The following PIBF1 variants were observed in gnomAD, a reference collection of about 807,000 sequenced individuals.
The protein encoded by PIBF1 is progesterone immunomodulatory binding factor 1.
PIBF1 carries 90 observed loss-of-function variants against 112.5 expected under a neutral mutation model. That is an observed-to-expected ratio of 0.80 (90% CI 0.67 to 0.95). The LOEUF (loss-of-function observed/expected upper bound fraction) is 0.95, where lower values mean the gene tolerates loss of function less well. Ranked by LOEUF, PIBF1 falls within the 40% of genes least tolerant of loss-of-function variation. The pLI is 0.00. For missense variants in PIBF1, 915 were observed against 852.3 expected, an observed-to-expected ratio of 1.07 and a Z score of -0.92; for synonymous variants, 301 against 288.6, an observed-to-expected ratio of 1.04 and a Z score of -0.44.
intron 6 of PIBF1, among the ~76,000 whole-genome samples, chr13:72,825,252 A>G (rs891831833): frequency 6.6e-6 from 1 of 152,202 alleles, no homozygotes; most frequent in African/African-American, 2.4e-5. Flanking sequence ...ATGTTAGATA[A>G]TATTATATTA....
chr13:72,904,433 C>CTTTTTTTTTTTTTTTTTTT lies in PIBF1; in HGVS notation c.1489-4091_1489-4073dup, dbSNP rs71099767. The stretch of plus-strand genomic sequence containing the variant: ...ATTTATCCAAAATATCAAAATATTT[C>CTTTTTTTTTTTTTTTTTTT]TTTTTTTTTTTTTTTTTTTTTTTTT... On this transcript the variant is annotated intron_variant, in intron 11 of 17. Transcript: ENST00000326291. Among the ~76,000 whole-genome samples, 122 of 36,552 alleles carry CTTTTTTTTTTTTTTTTTTT rather than the reference C, an allele frequency of 3.3e-3. 26 individuals are homozygous for CTTTTTTTTTTTTTTTTTTT. Among genetic ancestry groups the CTTTTTTTTTTTTTTTTTTT allele is most frequent in the African/African-American group, 4.4e-3 (39 of 8,916 alleles). 24.0% of individuals were successfully genotyped at this position (36,552 alleles called of 152,430 possible). A position where few individuals can be genotyped will look rare whatever the true frequency, so the allele number is the denominator to read the frequency against.
At position 72,894,070 on chromosome 13, in the gene PIBF1, A is replaced by AC; in HGVS notation, c.1488+121_1488+122insC. On this transcript the variant is annotated intron_variant, in intron 11 of 17. Coordinates refer to ENST00000326291, the MANE Select transcript of PIBF1 (RefSeq NM_006346.4). ...CACTATCCTGCACAAAAAAAAAAAA[A>AC]AAAAAAAAACAAGGAAATACGTATT... 6.5e-6 allele frequency: 3 copies of AC among 460,786 alleles called. No individual in the cohort carries two copies. The East Asian group carries it at 1.1e-4, about 16-fold the overall frequency. 28.5% of individuals were successfully genotyped at this position (460,786 alleles called of 1,614,324 possible). A position where few individuals can be genotyped will look rare whatever the true frequency, so the allele number is the denominator to read the frequency against.
At chr13:72,871,590 C>T (rs1187298328) in intron 10 of PIBF1, among the ~76,000 whole-genome samples, 2 of 152,194 alleles carry the variant, frequency 1.3e-5, no homozygotes, top group African/African-American at 4.8e-5. Flanking sequence ...AGACGTGAGC[C>T]TCCGCGACCA....
At chr13:72,908,782 C>A in intron 12 of PIBF1, 101 bp downstream of exon 12, 1 of 1,052,968 alleles carries the variant, frequency 9.5e-7, no homozygotes, top group Non-Finnish European at 1.4e-6. Flanking sequence ...GGCACGGTGG[C>A]TCATGCCTGT....
intron 14 of PIBF1, among the ~76,000 whole-genome samples, chr13:72,939,365 A>G (rs982435536): frequency 6.6e-6 from 1 of 152,158 alleles, no homozygotes; most frequent in Non-Finnish European, 1.5e-5. Context: ...CCTTGTACCC[A>G]TTAAGCACTT....
At chr13:72,914,908 T>C (rs1458369478) in intron 12 of PIBF1, among the ~76,000 whole-genome samples, 2 of 152,162 alleles carry the variant, frequency 1.3e-5, no homozygotes, top group South Asian at 2.1e-4. Flanking sequence ...GCATTTCCTC[T>C]TTCTTCCCTG....
chr13:72,851,272 T>G (rs1408482727), intron 9 of PIBF1, among the ~76,000 whole-genome samples: 1 of 152,182 alleles, frequency 6.6e-6, no homozygotes, highest in African/African-American at 2.4e-5. Flanking sequence ...CTCACTATCT[T>G]CGGCCTAGGG....
intron 13 of PIBF1, 66 bp downstream of exon 13, chr13:72,917,232 T>A: frequency 1.1e-6 from 1 of 943,400 alleles, no homozygotes; most frequent in Non-Finnish European, 1.6e-6. Flanking sequence ...TTGTGCTTTC[T>A]GATAATGTGC....
intron 2 of PIBF1, among the ~76,000 whole-genome samples, chr13:72,791,086 A>T (rs1366147309): frequency 2.0e-5 from 3 of 151,010 alleles, no homozygotes; most frequent in Non-Finnish European, 4.4e-5. Context: ...ATGGAGTCTC[A>T]CTCTGTCGCC....
chr13:72,784,491 G>A (rs1330167621), intron 2 of PIBF1, among the ~76,000 whole-genome samples: 1 of 151,260 alleles, frequency 6.6e-6, no homozygotes, highest in Non-Finnish European at 1.5e-5. Context: ...AAGTGCGGTG[G>A]CTCACACCTG....
chr13:72,890,022 A>G (rs1269587555), intron 10 of PIBF1, among the ~76,000 whole-genome samples: 2 of 152,196 alleles, frequency 1.3e-5, no homozygotes, highest in African/African-American at 2.4e-5. Context: ...GTGTTACCCA[A>G]TGATGACCTT....
intron 13 of PIBF1, among the ~76,000 whole-genome samples, chr13:72,924,976 C>T (rs904581850): frequency 6.6e-6 from 1 of 152,110 alleles, no homozygotes; most frequent in Admixed American, 6.6e-5. Flanking sequence ...TAAAGAAAAT[C>T]TTCAGACTGG....
chr13:72,851,736 C>G (rs1046412345), intron 9 of PIBF1, among the ~76,000 whole-genome samples: 1 of 152,218 alleles, frequency 6.6e-6, no homozygotes, highest in Non-Finnish European at 1.5e-5. Context: ...TCTGGCCCAC[C>G]CATTGCCACC....
At chr13:72,864,275 C>A (rs1306083576) in intron 10 of PIBF1, among the ~76,000 whole-genome samples, 4 of 152,172 alleles carry the variant, frequency 2.6e-5, no homozygotes, top group East Asian at 1.9e-4. Context: ...TTTTCTAAGT[C>A]TAGCCAGCTG....
Position 72,821,941 on chromosome 13 carries a change from G to C in PIBF1, c.765G>C (p.Gln255His). ...TAGCAGACACAAAACAGTTAATTCAGCAAGGTGACTACCGTCAAGAGAACT... is the reference window on the plus strand; with the variant it reads ...TAGCAGACACAAAACAGTTAATTCACCAAGGTGACTACCGTCAAGAGAACT... ...LELADTKQLI[Q>H]QGDYRQENYD... The change falls in exon 6 of 18, where the codon CAG (glutamine) becomes CAC (histidine). Residue 255 changes from glutamine (Q) to histidine (H), a missense_variant. Physicochemically the swap from Gln to His is conservative, Grantham distance 24. Transcript: ENST00000326291. 6.2e-7 allele frequency: 1 copy of C among 1,612,614 alleles called. No homozygotes were observed. Among genetic ancestry groups the C allele is most frequent in the Non-Finnish European group, 8.5e-7 (1 of 1,179,194 alleles).
intron 11 of PIBF1, among the ~76,000 whole-genome samples, chr13:72,907,885 A>G (rs1185566721): frequency 6.6e-6 from 1 of 152,066 alleles, no homozygotes. Flanking sequence ...CCTTCAATGA[A>G]TTACCATTGG....
At chr13:72,797,799 A>C (rs370858358) in intron 4 of PIBF1, 108 bp from the exon 5 acceptor site, 1 of 776,802 alleles carries the variant, frequency 1.3e-6, no homozygotes, top group East Asian at 2.8e-5. Flanking sequence ...GTCTTGTTGT[A>C]GTTTTGTAAA....
intron 5 of PIBF1, among the ~76,000 whole-genome samples, chr13:72,803,261 GT>G (rs200899117): frequency 1.5e-5 from 2 of 130,552 alleles, no homozygotes; most frequent in African/African-American, 3.6e-5. Context: ...TTTGTTTTTT[GT>G]TTTTTGTTTT....
At chr13:72,878,675 T>A (rs1228560974) in intron 10 of PIBF1, among the ~76,000 whole-genome samples, 1 of 152,218 alleles carries the variant, frequency 6.6e-6, no homozygotes, top group Non-Finnish European at 1.5e-5. Context: ...ACTATGTCTT[T>A]AATGATTTTC....
Sources: allele counts gnomAD v4.1 joint callset (sites outside exome capture counted in the v4.1 genomes callset), GRCh38; gene constraint gnomAD v4.1.1; transcripts MANE v1.5; gene names NCBI Gene and HGNC (gene_info 2026-07-23, HGNC 2026-07-21).